The following PPP3CC variants were observed in gnomAD, a reference collection of about 807,000 sequenced individuals.
The protein encoded by PPP3CC is protein phosphatase 3 catalytic subunit gamma, also known as serine/threonine-protein phosphatase 2B catalytic subunit gamma isoform.
PPP3CC carries 35 observed loss-of-function variants against 60.3 expected under a neutral mutation model. The observed-to-expected ratio is 0.58, with a 90% CI of 0.44 to 0.77. The LOEUF is 0.77. Ranked by LOEUF, PPP3CC falls within the 30% of genes least tolerant of loss-of-function variation. The pLI, the probability that PPP3CC is intolerant of heterozygous loss-of-function variation, is 0.00. For missense variants in PPP3CC, 570 were observed against 628.9 expected (o/e 0.91, Z 1.00); for synonymous variants, 206 against 224.3 (o/e 0.92, Z 0.73).
At chr8:22,530,927 G>A (rs1482867371) in intron 10 of PPP3CC, among the ~76,000 whole-genome samples, 1 of 151,044 alleles carries the variant, frequency 6.6e-6, no homozygotes, top group East Asian at 1.9e-4. Context: ...CTATTCCTGT[G>A]AAGAGATTTG....
chr8:22,479,228 T>C (rs950571653), intron 3 of PPP3CC, among the ~76,000 whole-genome samples: 3 of 152,122 alleles, frequency 2.0e-5, no homozygotes, highest in Admixed American at 2.0e-4. Flanking sequence ...TTTTTTGTTA[T>C]AAATAATTTA....
intron 1 of PPP3CC, among the ~76,000 whole-genome samples, chr8:22,450,896 C>G (rs181231638): frequency 1.4e-4 from 21 of 151,204 alleles, no homozygotes; most frequent in Non-Finnish European, 2.5e-4. Flanking sequence ...AGTGCAGTGG[C>G]GCCACCACGG....
At chr8:22,442,572 A>G (rs946929311) in intron 1 of PPP3CC, among the ~76,000 whole-genome samples, 1 of 152,246 alleles carries the variant, frequency 6.6e-6, no homozygotes, top group African/African-American at 2.4e-5. Context: ...CTACATAATT[A>G]TAATGGGATT....
intron 3 of PPP3CC, among the ~76,000 whole-genome samples, chr8:22,478,580 G>A (rs1166284581): frequency 1.3e-5 from 2 of 152,158 alleles, no homozygotes; most frequent in African/African-American, 2.4e-5. Flanking sequence ...TATCAACAAT[G>A]ATTTTGTGCA....
chr8:22,475,544 T>A lies in PPP3CC; in HGVS notation c.292T>A (p.Phe98Ile). The A allele has an allele frequency of 1.2e-6, 2 of 1,611,604 alleles. No homozygotes were observed. Among genetic ancestry groups the A allele is most frequent in the Non-Finnish European group, 1.7e-6 (2 of 1,177,858 alleles). The change falls in exon 3 of 14, where the codon TTT (phenylalanine) becomes ATT (isoleucine). Residue 98 changes from phenylalanine (F) to isoleucine (I), a missense_variant. Phe to Ile is a conservative substitution (Grantham distance 21). Coordinates refer to ENST00000240139, the MANE Select transcript of PPP3CC (RefSeq NM_005605.5). ...ACAATTCTTTGACCTAATGAAGTTA[T>A]TTGAAGTTGGAGGATCACCTAGTAA... ...HGQFFDLMKL[F>I]EVGGSPSNTR...
intron 4 of PPP3CC, 132 bp from the exon 5 acceptor site, chr8:22,510,954 C>A: frequency 1.0e-6 from 1 of 987,362 alleles, no homozygotes. Context: ...AGTATCTTTA[C>A]AAAGATAATT....
rs150333396 is a variant in PPP3CC at position 22,486,579 on chromosome 8, T to C, written c.372+10955T>C. On this transcript the variant is annotated intron_variant, in intron 3 of 13. Coordinates refer to ENST00000240139, the MANE Select transcript of PPP3CC (RefSeq NM_005605.5). ...TGTGTGTACTGTAGCAGCCATGCTG[T>C]GACTATGAGGAGGTGACATGACTAA... 2.8e-3 allele frequency among the ~76,000 whole-genome samples: 421 copies of C among 152,228 alleles called. 1 individual carries two copies. The highest frequency in any genetic ancestry group is 9.5e-3 in the African/African-American group (393 of 41,562).
chr8:22,524,778 G>C (rs1839496514), intron 8 of PPP3CC, among the ~76,000 whole-genome samples: 1 of 152,180 alleles, frequency 6.6e-6, no homozygotes, highest in Admixed American at 6.5e-5. Context: ...GCACTATACA[G>C]CTCACTCACT....
At position 22,475,143 on chromosome 8, in the gene PPP3CC, C is replaced by T; in HGVS notation, c.239C>T (p.Pro80Leu). The part of the protein sequence containing the change: ...QEKTMIEVDA[P>L]ITVCGDIHGQ... ...AAGACTATGATAGAAGTAGATGCTC[C>T]AATCACAGGTATAAAAAGTCTTTGC... Residue 80 changes from proline (P) to leucine (L), a missense_variant, in exon 2 of 14, where the codon CCA becomes CTA. Coordinates refer to ENST00000240139, the MANE Select transcript of PPP3CC (RefSeq NM_005605.5). 8 of 1,609,376 alleles carry T rather than the reference C, an allele frequency of 5.0e-6. No individual in the cohort carries two copies. The highest frequency in any genetic ancestry group is 6.8e-6 in the Non-Finnish European group (8 of 1,176,882).
chr8:22,479,118 T>C (rs945046362), intron 3 of PPP3CC, among the ~76,000 whole-genome samples: 1 of 152,174 alleles, frequency 6.6e-6, no homozygotes, highest in Non-Finnish European at 1.5e-5. Context: ...GTTGCAAGTA[T>C]ACACTTGAAA....
intron 1 of PPP3CC, among the ~76,000 whole-genome samples, chr8:22,446,049 T>A (rs1836811676): frequency 6.6e-6 from 1 of 152,242 alleles, no homozygotes; most frequent in Admixed American, 6.5e-5. Flanking sequence ...TTAAGCTTTC[T>A]CTCTTTTATT....
chr8:22,528,012 T>C (rs139206260), intron 9 of PPP3CC, among the ~76,000 whole-genome samples: 170 of 152,360 alleles, frequency 1.1e-3, no homozygotes, highest in Non-Finnish European at 2.1e-3. Flanking sequence ...TAAATATCAA[T>C]TTAAAGTAGC....
chr8:22,474,698 C>T (rs1837833978), intron 1 of PPP3CC, among the ~76,000 whole-genome samples: 1 of 151,950 alleles, frequency 6.6e-6, no homozygotes, highest in African/African-American at 2.4e-5. Flanking sequence ...GAGCAAGCCT[C>T]CATCTCAAAA....
intron 4 of PPP3CC, among the ~76,000 whole-genome samples, chr8:22,504,120 T>C (rs1838840361): frequency 6.6e-6 from 1 of 152,228 alleles, no homozygotes. Context: ...TTAAAAAATA[T>C]TCCTTTCTTT....
chr8:22,535,544 G>A (rs1839825278), intron 12 of PPP3CC, among the ~76,000 whole-genome samples: 1 of 151,332 alleles, frequency 6.6e-6, no homozygotes, highest in South Asian at 2.1e-4. Context: ...AGGCTAGAAT[G>A]TAATGGCTAG....
At chr8:22,483,115 T>C (rs1838117051) in intron 3 of PPP3CC, among the ~76,000 whole-genome samples, 1 of 152,212 alleles carries the variant, frequency 6.6e-6, no homozygotes, top group African/African-American at 2.4e-5. Flanking sequence ...GATTTCAGAA[T>C]TAAGTATCAA....
chr8:22,441,386 A>G lies in PPP3CC; in HGVS notation c.-24A>G, dbSNP rs1836663346. The G allele has an allele frequency of 1.3e-6, 2 of 1,528,518 alleles. No homozygotes were observed. Among genetic ancestry groups the G allele is most frequent in the Non-Finnish European group, 1.8e-6 (2 of 1,138,828 alleles). 94.7% of individuals were successfully genotyped at this position (1,528,518 alleles called of 1,614,324 possible). A position where few individuals can be genotyped will look rare whatever the true frequency, so the allele number is the denominator to read the frequency against. ...AGGCGCACGTCCGGCGGGCTCCTGG[A>G]GCCTGGAGGAGGCCGAGGGGACCAT... On this transcript the variant is annotated 5_prime_UTR_variant, in exon 1 of 14. Transcript: ENST00000240139.
Position 22,441,312 on chromosome 8 carries a change from GGCTCCGGGCA to G in PPP3CC, c.-94_-85del. 8.1e-7 allele frequency: 1 copy of G among 1,238,516 alleles called. No homozygotes were observed. The highest frequency in any genetic ancestry group is 3.2e-5 in the Admixed American group (1 of 30,924). The allele number at this position is 1,238,516 out of a possible 1,614,324, so 76.7% of individuals were successfully genotyped here. On this transcript the variant is annotated 5_prime_UTR_variant, in exon 1 of 14. Transcript: ENST00000240139. ...CCGGGGCCGGGCACGGCTGGCTGACGGCTCCGGGCAGCTAAGGCTGCCCGAGGAGAAGGCG... is the reference window on the plus strand; with the variant it reads ...CCGGGGCCGGGCACGGCTGGCTGACGGCTAAGGCTGCCCGAGGAGAAGGCG...
At chr8:22,445,807 T>C (rs994910223) in intron 1 of PPP3CC, among the ~76,000 whole-genome samples, 4 of 152,234 alleles carry the variant, frequency 2.6e-5, no homozygotes, top group Non-Finnish European at 4.4e-5. Flanking sequence ...ACAGTATTTG[T>C]TTAATTTATG....
Sources: gnomAD v4.1 joint callset for allele counts (sites outside exome capture counted in the v4.1 genomes callset) on GRCh38, gnomAD v4.1.1 for gene constraint, MANE v1.5 for transcripts, NCBI Gene and HGNC (gene_info 2026-07-23, HGNC 2026-07-21) for gene names.